AP3D1: variants seen among roughly 807,000 people sequenced by gnomAD.
AP3D1 encodes adaptor related protein complex 3 subunit delta 1, also known as AP-3 complex subunit delta-1.
A neutral mutation model predicts 147.6 loss-of-function variants in AP3D1; 51 were observed. The observed-to-expected ratio is 0.35, with a 90% CI of 0.28 to 0.44. AP3D1 has a LOEUF of 0.44. AP3D1 is among the 20% of genes least tolerant of loss of function. The probability of loss-of-function intolerance (pLI) is 1.00; values close to 1 mark genes in which losing one functional copy is unlikely to be tolerated. For synonymous variants in AP3D1, 760 were observed against 663.0 expected, an observed-to-expected ratio of 1.15 and a Z score of -2.25; for missense variants, 1,421 against 1,624.2, an observed-to-expected ratio of 0.87 and a Z score of 2.15.
intron 6 of AP3D1, among the ~76,000 whole-genome samples, chr19:2,129,752 T>C (rs538282637): frequency 2.0e-5 from 3 of 152,056 alleles, no homozygotes; most frequent in African/African-American, 7.2e-5. Context: ...GCCCTCTGAG[T>C]GGGGGTTTCA....
At chr19:2,104,637 T>C (rs1411709729) in intron 31 of AP3D1, among the ~76,000 whole-genome samples, 2 of 150,360 alleles carry the variant, frequency 1.3e-5, no homozygotes, top group Non-Finnish European at 2.9e-5. Flanking sequence ...CGTACCAAGG[T>C]GGACGGACAC....
At position 2,111,796 on chromosome 19, in the gene AP3D1, C is replaced by A; in HGVS notation, c.2820G>T (p.Arg940Ser). Residue 940 changes from arginine (R) to serine (S), a missense_variant, in exon 25 of 32, where the codon AGG becomes AGT. By Grantham distance (110) the Arg-to-Ser change is moderately radical. Transcript: ENST00000643116. ...KSPKPKKKKH[R>S]KEKEERTKGK... ...CTTTGGTCCGCTCCTCCTTCTCCTT[C>A]CTGTGCTTCTTCTTCTTAGGCTTGG... The A allele has an allele frequency of 6.2e-7, 1 of 1,614,016 alleles. No homozygotes were observed. Among genetic ancestry groups the A allele is most frequent in the African/African-American group, 1.3e-5 (1 of 75,068 alleles).
rs2019505139 is a variant in AP3D1 at position 2,151,351 on chromosome 19, C to CT, written c.-18dup. 6.5e-7 allele frequency: 1 copy of CT among 1,539,382 alleles called. No homozygotes were observed. The highest frequency in any genetic ancestry group is 1.4e-5 in the African/African-American group (1 of 70,326). On this transcript the variant is annotated 5_prime_UTR_variant, in exon 1 of 32. Coordinates refer to ENST00000643116, the MANE Select transcript of AP3D1 (RefSeq NM_001261826.3). ...GAGGGCCATCGCGGCGGCCCACGGG[C>CT]TTTTGCCTCGGGAGGCCCGCGGCTG...
At chr19:2,162,194 G>A (rs1225696920) in intron 1 of AP3D1, among the ~76,000 whole-genome samples, 13 of 150,606 alleles carry the variant, frequency 8.6e-5, no homozygotes, top group Admixed American at 2.0e-4. Context: ...GAGTCACCAC[G>A]CCCGGCTAAT....
At chr19:2,108,968 G>C in intron 30 of AP3D1, 118 bp downstream of exon 30, 1 of 1,502,178 alleles carries the variant, frequency 6.7e-7, no homozygotes, top group African/African-American at 1.4e-5. Flanking sequence ...CCAGCCACCC[G>C]GGATCCCAAA....
At chr19:2,112,203 T>C (rs1449870199) in intron 24 of AP3D1, 2 of 252,524 alleles carry the variant, frequency 7.9e-6, no homozygotes, top group East Asian at 9.8e-5. Flanking sequence ...CGGCATACTG[T>C]GTCACCACAA....
intron 1 of AP3D1, among the ~76,000 whole-genome samples, chr19:2,156,593 G>A (rs886346359): frequency 2.0e-5 from 3 of 151,654 alleles, no homozygotes; most frequent in Admixed American, 6.6e-5. Flanking sequence ...GCTCACGCCT[G>A]TAATCCCAGC....
At chr19:2,164,099 T>TCCCG (rs1016980663) in intron 1 of AP3D1, 6 of 11,610 alleles carry the variant, frequency 5.2e-4, no homozygotes, top group African/African-American at 2.0e-3. Flanking sequence ...CGCCCCTCCC[T>TCCCG]CCCGCCCGCC....
Position 2,130,551 on chromosome 19 carries a change from G to A in AP3D1, c.463-14C>T. 9 of 1,613,392 alleles carry A rather than the reference G, an allele frequency of 5.6e-6. No homozygotes were observed. The highest frequency in any genetic ancestry group is 7.6e-6 in the Non-Finnish European group (9 of 1,179,598). Reference sequence around the variant, plus strand: ...GGTGTGTGACATCTGCGGGGCAGCGGGCTTCAGCCTGCGCGGGCTTTCTGC... The same window carrying A: ...GGTGTGTGACATCTGCGGGGCAGCGAGCTTCAGCCTGCGCGGGCTTTCTGC... On this transcript the variant is annotated splice_polypyrimidine_tract_variant and intron_variant, in intron 5 of 31. Transcript: ENST00000643116.
At chr19:2,138,434 G>C (rs2019132880) in intron 2 of AP3D1, among the ~76,000 whole-genome samples, 185 bp downstream of exon 2, 1 of 152,218 alleles carries the variant, frequency 6.6e-6, no homozygotes, top group Non-Finnish European at 1.5e-5. Flanking sequence ...CCTCTGGCCT[G>C]TTTGCCAGCC....
chr19:2,159,180 G>A (rs111997372), intron 1 of AP3D1, among the ~76,000 whole-genome samples: 2 of 151,582 alleles, frequency 1.3e-5, no homozygotes, highest in African/African-American at 4.8e-5. Context: ...AGTAGAGACG[G>A]GGTTTCACCA....
chr19:2,111,499 C>T, intron 25 of AP3D1, 167 bp from the exon 26 acceptor site: 2 of 1,200,462 alleles, frequency 1.7e-6, no homozygotes, highest in Non-Finnish European at 2.3e-6. Context: ...GACCACACAG[C>T]CCACCACGGG....
At chr19:2,148,155 A>G (rs1434683029) in intron 1 of AP3D1, among the ~76,000 whole-genome samples, 2 of 152,034 alleles carry the variant, frequency 1.3e-5, no homozygotes, top group East Asian at 3.9e-4. Flanking sequence ...TCAAAAAAAA[A>G]AAAAAAAAGA....
intron 31 of AP3D1, among the ~76,000 whole-genome samples, chr19:2,107,419 G>T (rs992452755): frequency 6.6e-6 from 1 of 151,920 alleles, no homozygotes; most frequent in Non-Finnish European, 1.5e-5. Flanking sequence ...GAACCAAACC[G>T]GACATCAAGA....
In AP3D1 at chr19:2,151,188, T is replaced by C. The variant is rs752966533; in HGVS notation, c.96+51A>G. 32 of 1,564,550 alleles carry C rather than the reference T, an allele frequency of 2.0e-5. No homozygotes were observed. The African/African-American group carries it at 3.8e-4, about 19-fold the overall frequency. On this transcript the variant is annotated intron_variant, in intron 1 of 31. Coordinates refer to ENST00000643116, the MANE Select transcript of AP3D1 (RefSeq NM_001261826.3). The stretch of plus-strand genomic sequence containing the variant: ...AGGCCCAGTGAGCAGGGCTGGGCCC[T>C]GGGCCGGGGCTGTGACCAGGCCGAG...
intron 14 of AP3D1, among the ~76,000 whole-genome samples, chr19:2,120,399 G>A (rs2018576226): frequency 6.6e-6 from 1 of 152,048 alleles, no homozygotes; most frequent in African/African-American, 2.4e-5. Context: ...CCTCCAGAGG[G>A]GCCTGGCGCA....
chr19:2,137,607 C>T, intron 3 of AP3D1, 120 bp downstream of exon 3: 1 of 865,898 alleles, frequency 1.2e-6, no homozygotes, highest in South Asian at 1.6e-5. Flanking sequence ...ACTGAATCCA[C>T]CTTGGGTAAC....
intron 1 of AP3D1, among the ~76,000 whole-genome samples, chr19:2,143,588 C>G (rs1223169124): frequency 6.6e-6 from 1 of 151,488 alleles, no homozygotes; most frequent in Non-Finnish European, 1.5e-5. Context: ...GTTTTTGAAG[C>G]CCTGTTTCAA....
At position 2,110,764 on chromosome 19, in the gene AP3D1, G is replaced by A. The variant is rs201069215; in HGVS notation, c.3118C>T (p.Arg1040Trp). The change falls in exon 27 of 32, where the codon CGG (arginine) becomes TGG (tryptophan). Residue 1040 changes from arginine (R) to tryptophan (W), a missense_variant. Transcript: ENST00000643116. The part of the protein sequence containing the change: ...VLDSLNARMA[R>W]PQGSSVHDGV... Reference sequence around the variant, plus strand: ...TCGTGGACGGAGGAGCCCTGCGGCCGGGCCATCCTGGCATTGAGTGAGTCC... The same window carrying A: ...TCGTGGACGGAGGAGCCCTGCGGCCAGGCCATCCTGGCATTGAGTGAGTCC... 1.9e-5 allele frequency: 30 copies of A among 1,612,160 alleles called. No individual in the cohort carries two copies. Among genetic ancestry groups the A allele is most frequent in the East Asian group, 6.7e-5 (3 of 44,832 alleles).
Sources: allele counts gnomAD v4.1 joint callset (sites outside exome capture counted in the v4.1 genomes callset), GRCh38; gene constraint gnomAD v4.1.1; transcripts MANE v1.5; gene names NCBI Gene and HGNC (gene_info 2026-07-23, HGNC 2026-07-21).